Variants in HIPK3 observed in about 807,000 individuals in gnomAD.
HIPK3 encodes homeodomain interacting protein kinase 3, also known as homeodomain-interacting protein kinase 3.
Under a neutral mutation model 124.2 loss-of-function variants are expected in HIPK3, and 47 were observed. The ratio of observed to expected loss-of-function variants is 0.38; its 90% CI spans 0.30 to 0.48. HIPK3 has a LOEUF of 0.48. HIPK3 is among the 20% of genes least tolerant of loss of function. The probability of loss-of-function intolerance (pLI) is 0.98; values close to 1 mark genes in which losing one functional copy is unlikely to be tolerated. For synonymous variants in HIPK3, 482 were observed against 515.2 expected (o/e 0.94, Z 0.87); for missense variants, 1,286 against 1,454.3 (o/e 0.88, Z 1.88).
chr11:33,278,884 T>C (rs537993278), intron 1 of HIPK3, among the ~76,000 whole-genome samples: 1 of 152,298 alleles, frequency 6.6e-6, no homozygotes, highest in Non-Finnish European at 1.5e-5. Context: ...GTAAATTTTA[T>C]TTATTTTTAC....
Position 33,353,355 on chromosome 11 carries a change from T to C in HIPK3, c.3435T>C (p.Pro1145=). 3 of 1,614,162 alleles carry C rather than the reference T, an allele frequency of 1.9e-6. No homozygotes were observed. The highest frequency in any genetic ancestry group is 2.5e-6 in the Non-Finnish European group (3 of 1,180,016). The change falls in exon 17 of 17, where the codon CCT becomes CCC. Residue 1145 remains proline, a synonymous_variant. Transcript: ENST00000303296. ...TAGCCTCTCCGTGTACCTCAAGACC[T>C]ATGTTACAGCATCCAACTTATAATA... ...HLLASPCTSR[P]MLQHPTYNIS...
At chr11:33,281,229 C>A (rs1351453885) in intron 1 of HIPK3, among the ~76,000 whole-genome samples, 1 of 152,042 alleles carries the variant, frequency 6.6e-6, no homozygotes, top group Non-Finnish European at 1.5e-5. Context: ...GCCACCACAC[C>A]TGGCTAATTT....
chr11:33,350,965 G>T (rs749821696), intron 14 of HIPK3, among the ~76,000 whole-genome samples: 1 of 152,030 alleles, frequency 6.6e-6, no homozygotes, highest in African/African-American at 2.4e-5. Flanking sequence ...ATAAAAATAT[G>T]TATAAAAAGA....
intron 9 of HIPK3, 80 bp from the exon 10 acceptor site, chr11:33,347,545 TTAGA>T: frequency 6.4e-7 from 1 of 1,572,828 alleles, no homozygotes; most frequent in East Asian, 2.3e-5. Flanking sequence ...GCTGTTACTT[TTAGA>T]TAGTTTTGAG....
At chr11:33,266,724 A>C (rs182146939) in intron 1 of HIPK3, among the ~76,000 whole-genome samples, 1 of 152,208 alleles carries the variant, frequency 6.6e-6, no homozygotes, top group East Asian at 1.9e-4. Flanking sequence ...AAACAAACAA[A>C]CAAAAAACCA....
At chr11:33,274,410 TG>T (rs1213766819) in intron 1 of HIPK3, among the ~76,000 whole-genome samples, 1 of 152,216 alleles carries the variant, frequency 6.6e-6, no homozygotes, top group African/African-American at 2.4e-5. Flanking sequence ...GCAATACATT[TG>T]GCTTTCTATT....
intron 2 of HIPK3, among the ~76,000 whole-genome samples, chr11:33,321,518 A>G (rs139211513): frequency 9.8e-5 from 15 of 152,290 alleles, no homozygotes; most frequent in African/African-American, 2.9e-4. Flanking sequence ...TCAGTAGGTG[A>G]GCATGGATGT....
chr11:33,264,207 G>A (rs1203681977), intron 1 of HIPK3, among the ~76,000 whole-genome samples: 1 of 151,854 alleles, frequency 6.6e-6, no homozygotes, highest in Non-Finnish European at 1.5e-5. Flanking sequence ...GATATTTAGA[G>A]AAGCATAATA....
chr11:33,256,800 T>TG (rs34216605), upstream of HIPK3: 14 of 726,334 alleles, frequency 1.9e-5, no homozygotes, highest in Non-Finnish European at 2.2e-5. Context: ...GAGATGCTCT[T>TG]AAAATTTCCA....
intron 2 of HIPK3, among the ~76,000 whole-genome samples, chr11:33,315,971 C>G (rs1195537731): frequency 6.6e-6 from 1 of 152,142 alleles, no homozygotes; most frequent in Non-Finnish European, 1.5e-5. Flanking sequence ...GTCTAAGACA[C>G]AAACTACATT....
intron 2 of HIPK3, among the ~76,000 whole-genome samples, chr11:33,319,262 C>T (rs940371065): frequency 2.0e-5 from 3 of 152,078 alleles, no homozygotes; most frequent in African/African-American, 7.2e-5. Context: ...TTCGGGAGAC[C>T]GAGGCAGGTG....
At chr11:33,292,613 G>A (rs1590365774) in intron 2 of HIPK3, among the ~76,000 whole-genome samples, 1 of 152,162 alleles carries the variant, frequency 6.6e-6, no homozygotes, top group African/African-American at 2.4e-5. Flanking sequence ...TCAGCATTGG[G>A]ATGAAATTGC....
At chr11:33,312,897 C>T (rs997601759) in intron 2 of HIPK3, among the ~76,000 whole-genome samples, 15 of 152,142 alleles carry the variant, frequency 9.9e-5, no homozygotes, top group African/African-American at 3.4e-4. Flanking sequence ...GCTGCAGTGA[C>T]GTTTACAATT....
At chr11:33,309,720 C>T (rs1852266821) in intron 2 of HIPK3, among the ~76,000 whole-genome samples, 2 of 152,222 alleles carry the variant, frequency 1.3e-5, no homozygotes, top group African/African-American at 4.8e-5. Flanking sequence ...ATCTTTCCCT[C>T]TATCCATTTA....
rs762680653 is a variant in HIPK3, at chr11:33,286,458, C to G, written c.44C>G (p.Thr15Ser). Residue 15 changes from threonine to serine, a missense_variant, in exon 2 of 17, where the codon ACT becomes AGT. This residue lies in a region of HIPK3 where 225 missense variants were observed against 240.3 expected (regional missense o/e 0.94). Coordinates refer to ENST00000303296, the MANE Select transcript of HIPK3 (RefSeq NM_005734.5). ...VLVYPPYVYQ[T>S]QSSAFCSVKK... ...GTCTACCCACCATATGTTTATCAAA[C>G]TCAGTCAAGTGCCTTTTGTAGTGTG... 41 of 1,546,398 alleles carry G rather than the reference C, an allele frequency of 2.7e-5. No homozygotes were observed. The highest frequency in any genetic ancestry group is 1.7e-4 in the Middle Eastern group (1 of 5,768).
intron 1 of HIPK3, among the ~76,000 whole-genome samples, chr11:33,274,494 G>A (rs1012901940): frequency 6.6e-6 from 1 of 152,062 alleles, no homozygotes; most frequent in African/African-American, 2.4e-5. Context: ...GATATTGGGC[G>A]TTGTATGAAG....
intron 7 of HIPK3, among the ~76,000 whole-genome samples, 191 bp downstream of exon 7, chr11:33,341,318 T>C (rs1304944499): frequency 2.0e-5 from 3 of 152,200 alleles, no homozygotes; most frequent in Non-Finnish European, 4.4e-5. Flanking sequence ...GATTCACTTT[T>C]TGCCATTCCT....
At position 33,338,813 on chromosome 11, in the gene HIPK3, C is replaced by G. The variant is rs564378173; in HGVS notation, c.1398C>G (p.Tyr466Ter). 2.5e-6 allele frequency: 4 copies of G among 1,612,478 alleles called. No individual in the cohort carries two copies. In the African/African-American group the frequency reaches 5.3e-5, roughly 22 times the overall value. ...TGAAGTCTAAAGAAGCCAGAAAATA[C>G]ATTTTCAACAGTCTGGATGATGTAG... ...TGMKSKEARKYIFNSLDDVAH... is the reference protein window; with the variant it reads ...TGMKSKEARK Residue 466 changes from tyrosine (Y) to a stop codon, truncating the protein, a stop_gained, in exon 5 of 17, where the codon TAC becomes TAG. Coordinates refer to ENST00000303296, the MANE Select transcript of HIPK3 (RefSeq NM_005734.5). LOFTEE classifies it high-confidence loss of function.
intron 14 of HIPK3, among the ~76,000 whole-genome samples, chr11:33,351,228 CAT>C (rs1309478929): frequency 1.3e-5 from 2 of 152,146 alleles, no homozygotes; most frequent in Admixed American, 6.6e-5. Context: ...AAGTCACATA[CAT>C]ATATGTTTGT....
Sources: gnomAD v4.1 joint callset for allele counts (sites outside exome capture counted in the v4.1 genomes callset) on GRCh38, gnomAD v4.1.1 for gene constraint, gnomAD v4.1.1 regional missense constraint, MANE v1.5 for transcripts, NCBI Gene and HGNC (gene_info 2026-07-23, HGNC 2026-07-21) for gene names.